The following CNTNAP2 variants were observed in gnomAD, a reference collection of about 807,000 sequenced individuals.
CNTNAP2 encodes the protein contactin-associated protein-like 2.
In CNTNAP2, 98 loss-of-function variants were observed where a neutral mutation model predicts 155.2. That is an observed-to-expected ratio of 0.63 (90% CI 0.54 to 0.75). The LOEUF (loss-of-function observed/expected upper bound fraction) is 0.75, where lower values mean the gene tolerates loss of function less well. CNTNAP2 is among the 30% of genes least tolerant of loss of function. The pLI is 0.00. For missense variants in CNTNAP2, 1,727 were observed against 1,688.1 expected (o/e 1.02, Z -0.40); for synonymous variants, 651 against 631.2 (o/e 1.03, Z -0.47).
chr7:148,150,232 GA>G (rs1157607450), intron 17 of CNTNAP2, among the ~76,000 whole-genome samples: 2 of 151,360 alleles, frequency 1.3e-5, no homozygotes, highest in African/African-American at 4.9e-5. Flanking sequence ...CCAACATAGT[GA>G]AACCCTGTCT....
At chr7:146,794,620 T>C (rs1312184325) in intron 2 of CNTNAP2, among the ~76,000 whole-genome samples, 1 of 152,112 alleles carries the variant, frequency 6.6e-6, no homozygotes, top group East Asian at 1.9e-4. Flanking sequence ...TAAATAACTT[T>C]CCCATGGTGT....
chr7:146,785,575 G>A (rs549836654), intron 2 of CNTNAP2, among the ~76,000 whole-genome samples: 145 of 152,274 alleles, frequency 9.5e-4, no homozygotes, highest in African/African-American at 3.4e-3. Context: ...GTTAATATTT[G>A]CTGGTACTTT....
chr7:147,727,269 G>C (rs918978953), intron 13 of CNTNAP2, among the ~76,000 whole-genome samples: 2 of 151,898 alleles, frequency 1.3e-5, no homozygotes, highest in African/African-American at 2.4e-5. Flanking sequence ...ATAAATGTGT[G>C]TTACTGGTCG....
intron 11 of CNTNAP2, among the ~76,000 whole-genome samples, chr7:147,490,371 G>A (rs867388310): frequency 3.9e-5 from 6 of 152,122 alleles, no homozygotes; most frequent in Middle Eastern, 3.2e-3. Context: ...TGTACATTCC[G>A]TATGCTGGAG....
intron 1 of CNTNAP2, among the ~76,000 whole-genome samples, chr7:146,687,052 T>C (rs1800613166): frequency 6.6e-6 from 1 of 152,180 alleles, no homozygotes; most frequent in Non-Finnish European, 1.5e-5. Flanking sequence ...GTGCATGAGG[T>C]ACCTGAGAGA....
chr7:147,551,824 T>G (rs1247042713), intron 11 of CNTNAP2, among the ~76,000 whole-genome samples: 1 of 152,214 alleles, frequency 6.6e-6, no homozygotes, highest in African/African-American at 2.4e-5. Context: ...TTCTTTTAAC[T>G]CTGACTGAAG....
At chr7:146,855,978 A>G (rs1465370455) in intron 3 of CNTNAP2, among the ~76,000 whole-genome samples, 1 of 151,588 alleles carries the variant, frequency 6.6e-6, no homozygotes, top group Non-Finnish European at 1.5e-5. Flanking sequence ...CATCTAAAAG[A>G]AATCAGATCT....
intron 1 of CNTNAP2, among the ~76,000 whole-genome samples, chr7:146,386,520 C>T (rs1377987026): frequency 6.6e-5 from 10 of 152,302 alleles, no homozygotes. Context: ...TCCCGAGTAG[C>T]TGGGATTACA....
chr7:146,962,089 T>C (rs1797567272), intron 3 of CNTNAP2, among the ~76,000 whole-genome samples: 1 of 152,192 alleles, frequency 6.6e-6, no homozygotes, highest in African/African-American at 2.4e-5. Context: ...TTTATAATCT[T>C]GTTGTTCATT....
intron 8 of CNTNAP2, among the ~76,000 whole-genome samples, chr7:147,279,719 G>A (rs1237271947): frequency 6.6e-6 from 1 of 151,814 alleles, no homozygotes; most frequent in East Asian, 1.9e-4. Flanking sequence ...ATTCTCGTCA[G>A]CTCTCAATGG....
At chr7:147,824,771 TAAG>T (rs1301207264) in intron 13 of CNTNAP2, among the ~76,000 whole-genome samples, 4 of 152,076 alleles carry the variant, frequency 2.6e-5, no homozygotes, top group African/African-American at 9.7e-5. Context: ...AATCGATATT[TAAG>T]AAGTAAGAGA....
chr7:148,178,981 A>C (rs1794989512), intron 18 of CNTNAP2, among the ~76,000 whole-genome samples: 1 of 152,174 alleles, frequency 6.6e-6, no homozygotes, highest in South Asian at 2.1e-4. Context: ...GCAGTGTCCT[A>C]AAATGTCATT....
chr7:147,431,629 T>A lies in CNTNAP2; in HGVS notation c.1670+35849T>A, dbSNP rs77433899. ...CAAGACAGCCCTCCACAAAGGTCACTAATGACCGCCATGTCTCTTAATAAA... is the reference window on the plus strand; with the variant it reads ...CAAGACAGCCCTCCACAAAGGTCACAAATGACCGCCATGTCTCTTAATAAA... On this transcript the variant is annotated intron_variant, in intron 10 of 23. Coordinates refer to ENST00000361727, the MANE Select transcript of CNTNAP2 (RefSeq NM_014141.6). Among the ~76,000 whole-genome samples the A allele has an allele frequency of 8.7e-3, 1,319 of 152,314 alleles. 22 individuals carry two copies. Among genetic ancestry groups the A allele is most frequent in the African/African-American group, 0.03 (1,261 of 41,564 alleles).
intron 13 of CNTNAP2, among the ~76,000 whole-genome samples, chr7:147,732,341 T>C (rs1796757429): frequency 6.6e-6 from 1 of 152,128 alleles, no homozygotes; most frequent in African/African-American, 2.4e-5. Context: ...TGCAGCTTCA[T>C]CCATGTCCCT....
chr7:146,236,254 A>G (rs762392176), intron 1 of CNTNAP2, among the ~76,000 whole-genome samples: 9 of 152,220 alleles, frequency 5.9e-5, no homozygotes, highest in Non-Finnish European at 1.2e-4. Context: ...TAAAAAAATA[A>G]TTAAGATTTC....
At chr7:146,531,609 G>A (rs971619366) in intron 1 of CNTNAP2, among the ~76,000 whole-genome samples, 13 of 152,142 alleles carry the variant, frequency 8.5e-5, no homozygotes, top group Non-Finnish European at 1.5e-4. Context: ...GCAATGGCAT[G>A]ATCAAGGCTG....
intron 10 of CNTNAP2, among the ~76,000 whole-genome samples, chr7:147,410,060 A>G (rs1797077457): frequency 6.6e-6 from 1 of 152,224 alleles, no homozygotes; most frequent in African/African-American, 2.4e-5. Context: ...TGGGTATGTA[A>G]CCAAAGAATA....
chr7:147,120,725 G>A (rs1801091419), intron 5 of CNTNAP2, among the ~76,000 whole-genome samples: 1 of 151,720 alleles, frequency 6.6e-6, no homozygotes, highest in Non-Finnish European at 1.5e-5. Context: ...CTGGTGCGCT[G>A]CACCCACTAA....
intron 12 of CNTNAP2, among the ~76,000 whole-genome samples, chr7:147,625,485 C>A (rs1794953784): frequency 6.6e-6 from 1 of 152,170 alleles, no homozygotes; most frequent in Non-Finnish European, 1.5e-5. Flanking sequence ...TTGTAAAATG[C>A]ATCAACAGTA....
Sources: gnomAD v4.1 joint callset for allele counts (sites outside exome capture counted in the v4.1 genomes callset) on GRCh38, gnomAD v4.1.1 for gene constraint, MANE v1.5 for transcripts, NCBI Gene and HGNC (gene_info 2026-07-23, HGNC 2026-07-21) for gene names.